The following MAP4K5 variants were observed in gnomAD, a reference collection of about 807,000 sequenced individuals.
MAP4K5 encodes the protein mitogen-activated protein kinase kinase kinase kinase 5, also known as MAPK/ERK kinase kinase kinase 5.
In MAP4K5, 82 loss-of-function variants were observed where a neutral mutation model predicts 135.6. The ratio of observed to expected loss-of-function variants is 0.60; its 90% CI spans 0.51 to 0.73. The LOEUF (loss-of-function observed/expected upper bound fraction) is 0.73. Among genes scored for constraint, MAP4K5 ranks in the 30% least tolerant of loss-of-function variants. The pLI, the probability that MAP4K5 is intolerant of heterozygous loss-of-function variation, is 0.00. For synonymous variants in MAP4K5, 347 were observed against 335.0 expected, an observed-to-expected ratio of 1.04 and a Z score of -0.39; for missense variants, 907 against 1,010.9, an observed-to-expected ratio of 0.90 and a Z score of 1.39.
intron 14 of MAP4K5, chr14:50,456,178 A>T (rs1595460007): frequency 3.4e-6 from 1 of 296,430 alleles, no homozygotes; most frequent in Non-Finnish European, 6.4e-6. Flanking sequence ...TCAGCCATGT[A>T]AAAATACACA....
intron 1 of MAP4K5, among the ~76,000 whole-genome samples, chr14:50,551,458 TG>T (rs2038701636): frequency 6.6e-6 from 1 of 152,130 alleles, no homozygotes; most frequent in African/African-American, 2.4e-5. Context: ...AAAGAAGAAT[TG>T]GTACCAATTC....
intron 1 of MAP4K5, among the ~76,000 whole-genome samples, chr14:50,543,436 T>TC (rs1312776860): frequency 6.6e-6 from 1 of 152,218 alleles, no homozygotes; most frequent in African/African-American, 2.4e-5. Context: ...TTGGAAAGCT[T>TC]CTATTAGTGC....
At chr14:50,551,684 G>C (rs2038704865) in intron 1 of MAP4K5, among the ~76,000 whole-genome samples, 1 of 152,094 alleles carries the variant, frequency 6.6e-6, no homozygotes. Flanking sequence ...ACATGATGAA[G>C]TGGATTTCAT....
intron 9 of MAP4K5, among the ~76,000 whole-genome samples, chr14:50,469,520 TCAAA>T (rs574320534): frequency 1.1e-4 from 17 of 150,564 alleles, no homozygotes; most frequent in Non-Finnish European, 1.9e-4. Context: ...AATTATGAGG[TCAAA>T]CAATCTAAAA....
At chr14:50,444,098 A>G (rs1295598204) in intron 18 of MAP4K5, 62 bp from the exon 19 acceptor site, 2 of 1,119,058 alleles carry the variant, frequency 1.8e-6, no homozygotes, top group African/African-American at 1.5e-5. Flanking sequence ...TTGAAAAATT[A>G]TTTCCCCTTT....
At chr14:50,427,436 T>C (rs1339426996) in intron 30 of MAP4K5, among the ~76,000 whole-genome samples, 1 of 152,206 alleles carries the variant, frequency 6.6e-6, no homozygotes, top group Admixed American at 6.5e-5. Context: ...ACTATTTTCA[T>C]GTAAAATGTC....
At chr14:50,454,039 C>T (rs1445028172) in intron 14 of MAP4K5, among the ~76,000 whole-genome samples, 1 of 152,118 alleles carries the variant, frequency 6.6e-6, no homozygotes, top group Non-Finnish European at 1.5e-5. Flanking sequence ...AAATGCTCAT[C>T]AACAGAAGAA....
At chr14:50,511,385 G>A (rs1249023120) in intron 2 of MAP4K5, among the ~76,000 whole-genome samples, 2 of 152,092 alleles carry the variant, frequency 1.3e-5, no homozygotes, top group East Asian at 3.8e-4. Flanking sequence ...AAGTAGAACA[G>A]AGAATACTAG....
At chr14:50,560,435 C>G in intron 1 of MAP4K5, 1 of 1,202,336 alleles carries the variant, frequency 8.3e-7, no homozygotes, top group Admixed American at 2.0e-5. Context: ...GTAGCCGAGC[C>G]GCTCCCTGTT....
intron 13 of MAP4K5, among the ~76,000 whole-genome samples, chr14:50,456,903 A>G (rs1279563556): frequency 6.6e-6 from 1 of 152,212 alleles, no homozygotes; most frequent in Non-Finnish European, 1.5e-5. Context: ...TAACAGGATA[A>G]ATGGACTACT....
intron 18 of MAP4K5, among the ~76,000 whole-genome samples, chr14:50,444,793 C>T (rs983105092): frequency 6.6e-6 from 1 of 152,044 alleles, no homozygotes; most frequent in Non-Finnish European, 1.5e-5. Flanking sequence ...CCTTCTAGAT[C>T]CTATAATAAA....
intron 6 of MAP4K5, among the ~76,000 whole-genome samples, chr14:50,479,436 TTAA>T (rs2037187764): frequency 1.3e-5 from 2 of 152,206 alleles, no homozygotes; most frequent in Non-Finnish European, 1.5e-5. Context: ...CAGACACATG[TTAA>T]TTAACATCCT....
intron 2 of MAP4K5, chr14:50,505,132 C>T (rs1035851053): frequency 1.6e-4 from 44 of 281,194 alleles, no homozygotes; most frequent in East Asian, 6.9e-5. Flanking sequence ...TCTTCAGCCT[C>T]GGGTTAGTTA....
chr14:50,467,816 G>A (rs568388152), intron 10 of MAP4K5, among the ~76,000 whole-genome samples: 37 of 152,032 alleles, frequency 2.4e-4, no homozygotes, highest in Non-Finnish European at 4.6e-4. Context: ...CTGCTTATGA[G>A]CTCAAATAGA....
At position 50,452,108 on chromosome 14, in the gene MAP4K5, G is replaced by T. The variant is rs573317435; in HGVS notation, c.1016-3276C>A. Among the ~76,000 whole-genome samples, 4 of 152,284 alleles carry T rather than the reference G, an allele frequency of 2.6e-5. No homozygotes were observed. The East Asian group carries it at 7.7e-4, about 29-fold the overall frequency. ...CCCTAACATTAAGTATTCTGAGCGT[G>T]TTTAAGCTGGCTGGGCTAAGTTATG... On this transcript the variant is annotated intron_variant, in intron 14 of 32. Transcript: ENST00000682126.
chr14:50,422,709 T>C (rs2035761355), intron 32 of MAP4K5, among the ~76,000 whole-genome samples: 1 of 152,232 alleles, frequency 6.6e-6, no homozygotes, highest in South Asian at 2.1e-4. Flanking sequence ...TATAATTCTT[T>C]TTAACTTAGA....
intron 3 of MAP4K5, among the ~76,000 whole-genome samples, chr14:50,494,982 A>C (rs1382833672): frequency 1.3e-5 from 2 of 152,218 alleles, no homozygotes; most frequent in East Asian, 3.8e-4. Flanking sequence ...CTCCTAGAAG[A>C]AATCACAGAA....
chr14:50,428,309 G>A (rs995724829), intron 30 of MAP4K5, among the ~76,000 whole-genome samples: 1 of 151,672 alleles, frequency 6.6e-6, no homozygotes, highest in Non-Finnish European at 1.5e-5. Flanking sequence ...AGGCTGGAAT[G>A]CAATGGCATG....
At chr14:50,499,565 C>T (rs1335892969) in intron 3 of MAP4K5, among the ~76,000 whole-genome samples, 1 of 151,244 alleles carries the variant, frequency 6.6e-6, no homozygotes, top group African/African-American at 2.4e-5. Context: ...GGCTGAGGCA[C>T]GAGAATCACT....
Sources: allele counts gnomAD v4.1 joint callset (sites outside exome capture counted in the v4.1 genomes callset), GRCh38; gene constraint gnomAD v4.1.1; transcripts MANE v1.5; gene names NCBI Gene and HGNC (gene_info 2026-07-23, HGNC 2026-07-21).